The following ABCC12 variants were observed in gnomAD, a reference collection of about 807,000 sequenced individuals.
ABCC12 encodes the protein ATP binding cassette subfamily C member 12.
Under a neutral mutation model 151.1 loss-of-function variants are expected in ABCC12, and 142 were observed. That is an observed-to-expected ratio of 0.94 (90% confidence interval 0.82 to 1.08). The LOEUF (loss-of-function observed/expected upper bound fraction) is 1.08, where lower values mean the gene tolerates loss of function less well. Among genes scored for constraint, ABCC12 ranks in the 50% least tolerant of loss-of-function variants. The pLI, the probability that ABCC12 is intolerant of heterozygous loss-of-function variation, is 0.00. For missense variants in ABCC12, 1,638 were observed against 1,691.1 expected, an observed-to-expected ratio of 0.97 and a Z score of 0.55; for synonymous variants, 645 against 646.4, an observed-to-expected ratio of 1.00 and a Z score of 0.03.
chr16:48,114,188 C>T (rs920125015), intron 15 of ABCC12, among the ~76,000 whole-genome samples: 2 of 152,296 alleles, frequency 1.3e-5, no homozygotes, highest in East Asian at 1.9e-4. Context: ...AATCCCCATG[C>T]GCAAAATTCG....
rs763913627 is a variant in ABCC12 at position 48,082,250 on chromosome 16, C to T, written c.*1465G>A. Among the ~76,000 whole-genome samples the T allele has an allele frequency of 1.3e-5, 2 of 152,202 alleles. No individual in the cohort carries two copies. Among genetic ancestry groups the T allele is most frequent in the Non-Finnish European group, 2.9e-5 (2 of 68,042 alleles). The stretch of plus-strand genomic sequence containing the variant: ...TTGCTGCCAAGCTGCTGGGCCAGGG[C>T]TTTCATGCAGTTGCCAGGTTATAAG... On this transcript the variant is annotated 3_prime_UTR_variant, in exon 31 of 31. Transcript: ENST00000311303.
chr16:48,133,021 C>G (rs1391493304), intron 9 of ABCC12, among the ~76,000 whole-genome samples: 4 of 152,150 alleles, frequency 2.6e-5, no homozygotes, highest in Non-Finnish European at 4.4e-5. Context: ...ATACCTATAC[C>G]TCCTCCCTCC....
chr16:48,083,605 A>G lies in ABCC12; in HGVS notation c.*110T>C. 9.3e-7 allele frequency: 1 copy of G among 1,077,616 alleles called. No individual in the cohort carries two copies. The highest frequency in any genetic ancestry group is 2.4e-5 in the East Asian group (1 of 42,248). The allele number at this position is 1,077,616 out of a possible 1,614,324, so 66.8% of individuals were successfully genotyped here. A position where few individuals can be genotyped will look rare whatever the true frequency, so the allele number is the denominator to read the frequency against. ...AGCCCCAGCTCACTCCGTGGATGGG[A>G]GGGGCTGAAGACCAGGGCTGCCTGC... On this transcript the variant is annotated 3_prime_UTR_variant, in exon 31 of 31. Coordinates refer to ENST00000311303, the MANE Select transcript of ABCC12 (RefSeq NM_001393797.1).
intron 24 of ABCC12, among the ~76,000 whole-genome samples, chr16:48,094,937 G>C (rs1463947548): frequency 6.6e-6 from 1 of 152,122 alleles, no homozygotes; most frequent in Non-Finnish European, 1.5e-5. Context: ...AATGGGTCAG[G>C]AGACAGATGG....
At chr16:48,119,143 T>C (rs151106416) in intron 13 of ABCC12, among the ~76,000 whole-genome samples, 99 of 152,324 alleles carry the variant, frequency 6.5e-4, no homozygotes, top group Admixed American at 1.2e-3. Context: ...CTGCTAAATA[T>C]GCCACATATG....
At chr16:48,101,058 T>C (rs1285395167) in intron 22 of ABCC12, 49 bp from the exon 23 acceptor site, 8 of 1,598,192 alleles carry the variant, frequency 5.0e-6, no homozygotes, top group Non-Finnish European at 6.0e-6. Flanking sequence ...TGAGGTCTCA[T>C]CAGGCTTGCC....
rs770824624 is a variant in ABCC12 at position 48,130,787 on chromosome 16, C to T, written c.1236+1G>A. On this transcript the variant is annotated splice_donor_variant, in intron 10 of 30. Coordinates refer to ENST00000311303, the MANE Select transcript of ABCC12 (RefSeq NM_001393797.1). LOFTEE classifies it high-confidence loss of function. The stretch of plus-strand genomic sequence containing the variant: ...CCCTACTCACCCAGGGTTAGTTATA[C>T]CTTCATTCTCCTTAGAGAGACATTC... 2.0e-5 allele frequency: 32 copies of T among 1,604,562 alleles called. No individual in the cohort carries two copies. The highest frequency in any genetic ancestry group is 2.7e-5 in the Non-Finnish European group (32 of 1,171,484).
intron 9 of ABCC12, among the ~76,000 whole-genome samples, chr16:48,131,730 A>C (rs574914646): frequency 2.0e-5 from 3 of 152,342 alleles, no homozygotes; most frequent in African/African-American, 7.2e-5. Context: ...AACTTTCTTC[A>C]TCAAATCCTG....
intron 4 of ABCC12, among the ~76,000 whole-genome samples, chr16:48,142,721 G>T (rs2150676046): frequency 6.6e-6 from 1 of 152,312 alleles, no homozygotes; most frequent in Non-Finnish European, 1.5e-5. Flanking sequence ...AAAAAATGAA[G>T]TTGATGTCTT....
chr16:48,151,315 A>G (rs1270844184), intron 2 of ABCC12, among the ~76,000 whole-genome samples: 1 of 152,160 alleles, frequency 6.6e-6, no homozygotes, highest in African/African-American at 2.4e-5. Flanking sequence ...TCTACAAAAT[A>G]CCTGACTGGT....
At chr16:48,148,464 T>C (rs760205476) in intron 2 of ABCC12, among the ~76,000 whole-genome samples, 1 of 152,038 alleles carries the variant, frequency 6.6e-6, no homozygotes, top group Non-Finnish European at 1.5e-5. Flanking sequence ...CTCAAACTCC[T>C]GGGCTCAAGC....
At chr16:48,154,117 A>G (rs2150688445) in intron 1 of ABCC12, among the ~76,000 whole-genome samples, 1 of 152,208 alleles carries the variant, frequency 6.6e-6, no homozygotes, top group South Asian at 2.1e-4. Flanking sequence ...TGTTCTTGGC[A>G]TTGTGTTTTC....
Position 48,140,887 on chromosome 16 carries a change from C to A in ABCC12, c.457G>T (p.Glu153Ter). 6.2e-7 allele frequency: 1 copy of A among 1,614,104 alleles called. No individual in the cohort carries two copies. Among genetic ancestry groups the A allele is most frequent in the South Asian group, 1.1e-5 (1 of 91,042 alleles). The change falls in exon 6 of 31, where the codon GAG becomes TAG. Residue 153 changes from glutamate (E) to a stop codon, truncating the protein, a stop_gained. Coordinates refer to ENST00000311303, the MANE Select transcript of ABCC12 (RefSeq NM_001393797.1). LOFTEE classifies it high-confidence loss of function. ...ACCCAGACTTTCCCAGAGGTCCTCTCAGTCTGCTGGAGGATTTGGTGAATG... is the reference window on the plus strand; with the variant it reads ...ACCCAGACTTTCCCAGAGGTCCTCTAAGTCTGCTGGAGGATTTGGTGAATG... ...VLIHQILQQT[E>*]RTSGKVWVGI...
intron 12 of ABCC12, among the ~76,000 whole-genome samples, chr16:48,123,333 C>G (rs1262108381): frequency 1.3e-5 from 2 of 152,142 alleles, no homozygotes; most frequent in Non-Finnish European, 2.9e-5. Context: ...CACACACTCT[C>G]AGAGCGTGGG....
chr16:48,139,843 C>T (rs1964744049), intron 6 of ABCC12, among the ~76,000 whole-genome samples: 1 of 152,168 alleles, frequency 6.6e-6, no homozygotes, highest in South Asian at 2.1e-4. Flanking sequence ...TCTTCTGTTC[C>T]TCTTTCTCCT....
chr16:48,091,292 G>T, intron 24 of ABCC12, 83 bp from the exon 25 acceptor site: 2 of 1,224,342 alleles, frequency 1.6e-6, no homozygotes, highest in Non-Finnish European at 2.4e-6. Flanking sequence ...GGCAGTCCTA[G>T]TGAATGATCC....
chr16:48,084,531 C>T (rs1962500411), intron 29 of ABCC12, among the ~76,000 whole-genome samples: 1 of 152,254 alleles, frequency 6.6e-6, no homozygotes, highest in South Asian at 2.1e-4. Flanking sequence ...AAGGTATTGT[C>T]AGGGCTGCAT....
intron 2 of ABCC12, among the ~76,000 whole-genome samples, chr16:48,146,952 TACACCCACAC>T (rs1352041179): frequency 2.0e-5 from 3 of 151,508 alleles, no homozygotes; most frequent in Admixed American, 1.3e-4. Flanking sequence ...GCCATGCGCA[TACACCCACAC>T]ACACCCACGC....
chr16:48,087,846 C>A, intron 27 of ABCC12, 80 bp downstream of exon 27: 1 of 1,495,776 alleles, frequency 6.7e-7, no homozygotes, highest in Non-Finnish European at 9.1e-7. Context: ...CCAGCCATGC[C>A]CTGGGGACAT....
Sources: gnomAD v4.1 joint callset for allele counts (sites outside exome capture counted in the v4.1 genomes callset) on GRCh38, gnomAD v4.1.1 for gene constraint, MANE v1.5 for transcripts, NCBI Gene and HGNC (gene_info 2026-07-23, HGNC 2026-07-21) for gene names.